The following SH3GL3 variants were observed in gnomAD, a reference collection of about 807,000 sequenced individuals.
SH3GL3 encodes the protein SH3 domain containing GRB2 like 3, endophilin A3, also known as endophilin-A3.
A neutral mutation model predicts 47.7 loss-of-function variants in SH3GL3; 33 were observed. That is an observed-to-expected ratio of 0.69 (90% CI 0.52 to 0.92). The LOEUF (loss-of-function observed/expected upper bound fraction) is 0.92. Ranked by LOEUF, SH3GL3 falls within the 40% of genes least tolerant of loss-of-function variation. The pLI is 0.00. For missense variants in SH3GL3, 363 were observed against 417.8 expected, an observed-to-expected ratio of 0.87 and a Z score of 1.14; for synonymous variants, 155 against 148.8, an observed-to-expected ratio of 1.04 and a Z score of -0.30.
chr15:83,522,434 AG>A (rs2043247320), intron 1 of SH3GL3, among the ~76,000 whole-genome samples: 1 of 152,192 alleles, frequency 6.6e-6, no homozygotes, highest in African/African-American at 2.4e-5. Context: ...ATCTTCCGTA[AG>A]TGCTGGTGTG....
chr15:83,623,481 A>G (rs2060920401), downstream of SH3GL3, among the ~76,000 whole-genome samples: 1 of 152,226 alleles, frequency 6.6e-6, no homozygotes, highest in Non-Finnish European at 1.5e-5. Context: ...TTCATGGCGA[A>G]GGCAGAGCTG....
downstream of SH3GL3, among the ~76,000 whole-genome samples, chr15:83,623,572 C>T (rs2060920669): frequency 6.6e-6 from 1 of 152,220 alleles, no homozygotes; most frequent in African/African-American, 2.4e-5. Context: ...TACCATCTCA[C>T]AGGCTGCGCC....
intron 1 of SH3GL3, among the ~76,000 whole-genome samples, chr15:83,524,243 A>T (rs1206967959): frequency 2.0e-5 from 3 of 152,130 alleles, no homozygotes; most frequent in South Asian, 4.1e-4. Context: ...TTGCTGACTT[A>T]TTGGCTGTTT....
At chr15:83,476,720 T>C (rs1268739704) in intron 1 of SH3GL3, among the ~76,000 whole-genome samples, 1 of 152,262 alleles carries the variant, frequency 6.6e-6, no homozygotes, top group Non-Finnish European at 1.5e-5. Context: ...TCTGGCTGCT[T>C]TTGTATTACA....
At chr15:83,586,114 T>G (rs1393805447) in intron 6 of SH3GL3, among the ~76,000 whole-genome samples, 1 of 152,216 alleles carries the variant, frequency 6.6e-6, no homozygotes, top group Non-Finnish European at 1.5e-5. Context: ...GTTGATTGGA[T>G]TCTTGCTGGG....
chr15:83,599,083 A>C (rs2060312160), intron 8 of SH3GL3, among the ~76,000 whole-genome samples: 1 of 152,020 alleles, frequency 6.6e-6, no homozygotes, highest in Non-Finnish European at 1.5e-5. Context: ...ATTGGTGCCA[A>C]TTTTCTATCT....
At chr15:83,556,920 C>T (rs79410758) in intron 1 of SH3GL3, among the ~76,000 whole-genome samples, 347 of 152,284 alleles carry the variant, frequency 2.3e-3, no homozygotes, top group African/African-American at 7.7e-3. Flanking sequence ...CTCTGATCCA[C>T]GTGGTCTTTC....
chr15:83,505,049 T>C (rs1285189706), intron 1 of SH3GL3, among the ~76,000 whole-genome samples: 1 of 152,222 alleles, frequency 6.6e-6, no homozygotes, highest in Admixed American at 6.5e-5. Context: ...TAGTTGCATA[T>C]AGCCAGCGCT....
At chr15:83,552,850 G>A (rs1350395196) in intron 1 of SH3GL3, among the ~76,000 whole-genome samples, 1 of 151,940 alleles carries the variant, frequency 6.6e-6, no homozygotes, top group African/African-American at 2.4e-5. Flanking sequence ...TTTCAGTTTT[G>A]CTTTATATTT....
intron 1 of SH3GL3, among the ~76,000 whole-genome samples, chr15:83,475,493 T>TAAATA (rs1226700920): frequency 1.3e-5 from 2 of 151,866 alleles, no homozygotes; most frequent in Admixed American, 6.6e-5. Context: ...AATAAATCAA[T>TAAATA]AAATAAAATA....
intron 1 of SH3GL3, among the ~76,000 whole-genome samples, chr15:83,547,802 G>A (rs1173567635): frequency 6.8e-6 from 1 of 146,482 alleles, no homozygotes; most frequent in Non-Finnish European, 1.5e-5. Context: ...AATGCTGGCT[G>A]ATGCTTCTTG....
intron 1 of SH3GL3, among the ~76,000 whole-genome samples, chr15:83,532,093 G>T (rs756354265): frequency 6.6e-6 from 1 of 152,180 alleles, no homozygotes; most frequent in African/African-American, 2.4e-5. Flanking sequence ...ACAGCTTTTA[G>T]TTTCCAGACT....
the SH3GL3 span, among the ~76,000 whole-genome samples, chr15:83,632,144 C>A: frequency 2.0e-5 from 3 of 152,302 alleles, no homozygotes; most frequent in South Asian, 2.1e-4. Context: ...TCTCCAAGAC[C>A]ACCTCAGCCT....
intron 1 of SH3GL3, among the ~76,000 whole-genome samples, chr15:83,498,369 G>T (rs1057148951): frequency 3.3e-5 from 5 of 152,118 alleles, no homozygotes; most frequent in African/African-American, 1.2e-4. Context: ...TTAGTTTCTG[G>T]AAATTAAGCA....
intron 5 of SH3GL3, among the ~76,000 whole-genome samples, chr15:83,573,833 T>C (rs12900490): frequency 0.26 from 39,075 of 152,266 alleles, 6,212 homozygotes; most frequent in Non-Finnish European, 0.35. Flanking sequence ...ACTGGCCATA[T>C]GTGGCTAAAC....
the SH3GL3 span, among the ~76,000 whole-genome samples, chr15:83,626,778 A>T: frequency 6.6e-6 from 1 of 152,176 alleles, no homozygotes; most frequent in Non-Finnish European, 1.5e-5. Flanking sequence ...TGTCCTTGAC[A>T]GCTTTCTGTA....
intron 1 of SH3GL3, among the ~76,000 whole-genome samples, chr15:83,486,841 C>T (rs780427477): frequency 3.9e-5 from 6 of 152,168 alleles, no homozygotes; most frequent in Admixed American, 6.5e-5. Context: ...GGAAAGGGCC[C>T]GCTTCCTGGC....
rs371246826 is a variant in SH3GL3, at chr15:83,513,018, A to C, written c.46-46235A>C. Reference sequence around the variant, plus strand: ...CAAATCCACATACTCCTTTTCAGACAGGTTTCAACGACTGCATAATGAGAT... The same window carrying C: ...CAAATCCACATACTCCTTTTCAGACCGGTTTCAACGACTGCATAATGAGAT... On this transcript the variant is annotated intron_variant, in intron 1 of 8. Transcript: ENST00000427482. Among the ~76,000 whole-genome samples the C allele has an allele frequency of 4.6e-5, 7 of 152,336 alleles. No homozygotes were observed. In the East Asian group the frequency reaches 1.2e-3, roughly 25 times the overall value.
intron 1 of SH3GL3, among the ~76,000 whole-genome samples, chr15:83,471,241 G>A (rs1478922658): frequency 6.6e-6 from 1 of 152,074 alleles, no homozygotes; most frequent in African/African-American, 2.4e-5. Context: ...CTTCATTTCT[G>A]AGGATATTTA....
Sources: gnomAD v4.1 joint callset for allele counts (sites outside exome capture counted in the v4.1 genomes callset) on GRCh38, gnomAD v4.1.1 for gene constraint, MANE v1.5 for transcripts, NCBI Gene and HGNC (gene_info 2026-07-23, HGNC 2026-07-21) for gene names.